The following SLC44A1 variants were observed in gnomAD, a reference collection of about 807,000 sequenced individuals.
The protein encoded by SLC44A1 is choline transporter-like protein 1.
SLC44A1 carries 26 observed loss-of-function variants against 79.3 expected under a neutral mutation model. The ratio of observed to expected loss-of-function variants is 0.33; its 90% CI spans 0.24 to 0.46. The LOEUF (loss-of-function observed/expected upper bound fraction) is 0.46, where lower values mean the gene tolerates loss of function less well. SLC44A1 is among the 20% of genes least tolerant of loss of function. The probability of loss-of-function intolerance (pLI) is 1.00; values close to 1 mark genes in which losing one functional copy is unlikely to be tolerated. For missense variants in SLC44A1, 688 were observed against 798.1 expected (o/e 0.86, Z 1.66); for synonymous variants, 263 against 286.2 (o/e 0.92, Z 0.82).
intron 2 of SLC44A1, among the ~76,000 whole-genome samples, chr9:105,307,925 A>C (rs1831076593): frequency 1.3e-5 from 2 of 152,110 alleles, no homozygotes; most frequent in Non-Finnish European, 2.9e-5. Flanking sequence ...CAACAGGGTG[A>C]GTGTGAATGA....
Position 105,393,358 on chromosome 9 carries a change from T to C in SLC44A1, c.*4302T>C. 3 of 985,210 alleles carry C rather than the reference T, an allele frequency of 3.0e-6. No individual in the cohort carries two copies. Among genetic ancestry groups the C allele is most frequent in the Non-Finnish European group, 3.6e-6 (3 of 829,742 alleles). 61.0% of individuals were successfully genotyped at this position (985,210 alleles called of 1,614,324 possible). ...ATTTTTAAAAAGCAAGACCCTTGAA[T>C]ATGCCAAGAGAAAATCTAAAGCTAG... On this transcript the variant is annotated 3_prime_UTR_variant, in exon 16 of 16. Transcript: ENST00000374720.
intron 15 of SLC44A1, among the ~76,000 whole-genome samples, chr9:105,412,824 G>A (rs559331202): frequency 2.6e-5 from 4 of 152,024 alleles, no homozygotes; most frequent in South Asian, 4.2e-4. Context: ...GGCTGATCTC[G>A]AACTCCTGCC....
chr9:105,248,493 A>G (rs918956529), intron 1 of SLC44A1, among the ~76,000 whole-genome samples: 12 of 152,248 alleles, frequency 7.9e-5, no homozygotes, highest in African/African-American at 2.9e-4. Flanking sequence ...TTTGTGCTGT[A>G]TCAGCTATGT....
At chr9:105,343,588 T>C (rs1047021810) in intron 4 of SLC44A1, among the ~76,000 whole-genome samples, 1 of 152,204 alleles carries the variant, frequency 6.6e-6, no homozygotes, top group African/African-American at 2.4e-5. Context: ...TATAAATGAA[T>C]GAAATGATCA....
At chr9:105,310,976 A>C (rs887935078) in intron 3 of SLC44A1, among the ~76,000 whole-genome samples, 1 of 152,192 alleles carries the variant, frequency 6.6e-6, no homozygotes, top group Non-Finnish European at 1.5e-5. Context: ...AGATTGAAGT[A>C]ATTTTCCCAA....
intron 3 of SLC44A1, among the ~76,000 whole-genome samples, chr9:105,333,550 C>T (rs112823248): frequency 7.0e-4 from 107 of 152,290 alleles, no homozygotes; most frequent in Non-Finnish European, 1.1e-3. Flanking sequence ...CTTATCATAC[C>T]TGTAATCCCA....
chr9:105,425,866 T>C (rs1025271473), intron 15 of SLC44A1, among the ~76,000 whole-genome samples: 1 of 152,104 alleles, frequency 6.6e-6, no homozygotes, highest in African/African-American at 2.4e-5. Flanking sequence ...TTGGGAGCCT[T>C]GAGGCAGAAA....
At position 105,395,256 on chromosome 9, in the gene SLC44A1, A is replaced by G. The variant is rs773457385; in HGVS notation, c.*6200A>G. 8.0e-5 allele frequency: 73 copies of G among 911,692 alleles called. No individual in the cohort carries two copies. The highest frequency in any genetic ancestry group is 8.8e-5 in the Non-Finnish European group (67 of 763,178). 56.5% of individuals were successfully genotyped at this position (911,692 alleles called of 1,614,324 possible). ...TTTTTTTGAGACGGAGTCTCGCTCT[A>G]TCGCCAGCTTAGAGTGCAGTGGCTC... On this transcript the variant is annotated 3_prime_UTR_variant, in exon 16 of 16. Transcript: ENST00000374720.
chr9:105,360,730 A>T (rs551681612), intron 7 of SLC44A1, among the ~76,000 whole-genome samples: 5 of 152,360 alleles, frequency 3.3e-5, no homozygotes, highest in African/African-American at 9.6e-5. Flanking sequence ...AATCAACTGC[A>T]TTACTGTGTC....
At chr9:105,299,791 G>A (rs1373354345) in intron 2 of SLC44A1, 4 of 985,592 alleles carry the variant, frequency 4.1e-6, no homozygotes, top group Non-Finnish European at 3.6e-6. Flanking sequence ...TCTTTCGATT[G>A]GAGATGAAGG....
At chr9:105,370,642 A>C (rs1179549868) in intron 12 of SLC44A1, among the ~76,000 whole-genome samples, 1 of 152,174 alleles carries the variant, frequency 6.6e-6, no homozygotes, top group Non-Finnish European at 1.5e-5. Flanking sequence ...AGGGAAACAA[A>C]AAAAGCTTTT....
intron 1 of SLC44A1, among the ~76,000 whole-genome samples, chr9:105,271,382 A>G (rs1830072778): frequency 6.6e-6 from 1 of 152,084 alleles, no homozygotes; most frequent in Non-Finnish European, 1.5e-5. Context: ...TTCCCCCTAA[A>G]TTACCTCCCT....
At chr9:105,341,296 C>T (rs927875469) in intron 4 of SLC44A1, among the ~76,000 whole-genome samples, 12 of 148,114 alleles carry the variant, frequency 8.1e-5, no homozygotes, top group African/African-American at 3.0e-4. Flanking sequence ...GATCGTGCCA[C>T]TGCACTCCAG....
At chr9:105,262,397 C>T (rs1829862692) in intron 1 of SLC44A1, among the ~76,000 whole-genome samples, 1 of 152,102 alleles carries the variant, frequency 6.6e-6, no homozygotes, top group South Asian at 2.1e-4. Context: ...GTCACAATGG[C>T]TTTTGAGGCA....
At chr9:105,304,944 GTTTTTTTTTTTTTT>G (rs10589897) in intron 2 of SLC44A1, among the ~76,000 whole-genome samples, 52 of 20,056 alleles carry the variant, frequency 2.6e-3, no homozygotes, top group Middle Eastern at 0.05. Context: ...ACTTTCTATC[GTTTTTTTTTTTTTT>G]TTTTTTTTTT....
rs376953165 is a variant in SLC44A1 at position 105,261,329 on chromosome 9, C to G, written c.36+16425C>G. ...TCCCTTCTGCCACACCGCCTTCCCC[C>G]ATTTCCCTGCAACACACCTCTTGTT... On this transcript the variant is annotated intron_variant, in intron 1 of 15. Coordinates refer to ENST00000374720, the MANE Select transcript of SLC44A1 (RefSeq NM_080546.5). Among the ~76,000 whole-genome samples the G allele has an allele frequency of 3.3e-5, 5 of 152,256 alleles. No individual in the cohort carries two copies. In the East Asian group the frequency reaches 9.7e-4, roughly 29 times the overall value.
chr9:105,415,869 TG>T (rs1829163196), intron 15 of SLC44A1, among the ~76,000 whole-genome samples: 1 of 151,970 alleles, frequency 6.6e-6, no homozygotes, highest in Non-Finnish European at 1.5e-5. Context: ...GATCAACTTT[TG>T]GATATTCTCT....
At chr9:105,257,094 T>G (rs1365444174) in intron 1 of SLC44A1, among the ~76,000 whole-genome samples, 1 of 149,224 alleles carries the variant, frequency 6.7e-6, no homozygotes, top group East Asian at 2.0e-4. Context: ...CCTTTTTTTG[T>G]TTTTGTTTTT....
At chr9:105,349,328 C>T (rs756010023) in intron 5 of SLC44A1, among the ~76,000 whole-genome samples, 15 of 152,086 alleles carry the variant, frequency 9.9e-5, no homozygotes, top group Non-Finnish European at 2.1e-4. Context: ...TTATAGGAAG[C>T]TGTTGTATAA....
Sources: allele counts gnomAD v4.1 joint callset (sites outside exome capture counted in the v4.1 genomes callset), GRCh38; gene constraint gnomAD v4.1.1; transcripts MANE v1.5; gene names NCBI Gene and HGNC (gene_info 2026-07-23, HGNC 2026-07-21).